The following RALYL variants were observed in gnomAD, a reference collection of about 807,000 sequenced individuals.
The protein encoded by RALYL is RNA-binding Raly-like protein.
In RALYL, 29 loss-of-function variants were observed where a neutral mutation model predicts 35.1. The observed-to-expected ratio is 0.83, with a 90% CI of 0.61 to 1.13. The LOEUF is 1.13. Among genes scored for constraint, RALYL ranks in the 50% most tolerant of loss-of-function variants. The pLI, the probability that RALYL is intolerant of heterozygous loss-of-function variation, is 0.00. For missense variants in RALYL, 359 were observed against 360.4 expected (o/e 1.00, Z 0.03); for synonymous variants, 120 against 127.6 (o/e 0.94, Z 0.40).
chr8:84,684,030 T>TA (rs532170186), intron 2 of RALYL, among the ~76,000 whole-genome samples: 112 of 152,102 alleles, frequency 7.4e-4, no homozygotes, highest in Middle Eastern at 3.4e-3. Flanking sequence ...CAGAGCATGG[T>TA]AAAAAAATGC....
chr8:84,185,025 C>T, intron 1 of RALYL: 1 of 1,613,902 alleles, frequency 6.2e-7, no homozygotes, highest in Non-Finnish European at 8.5e-7. Flanking sequence ...GTAGGTCCTA[C>T]CCAGCCTATT....
At chr8:84,477,965 G>A (rs1318133051) in intron 1 of RALYL, among the ~76,000 whole-genome samples, 1 of 151,976 alleles carries the variant, frequency 6.6e-6, no homozygotes, top group Non-Finnish European at 1.5e-5. Context: ...AATTTTTAAT[G>A]TCCCTAACCA....
intron 2 of RALYL, among the ~76,000 whole-genome samples, chr8:84,597,202 T>C (rs968043422): frequency 6.6e-6 from 1 of 152,120 alleles, no homozygotes; most frequent in Non-Finnish European, 1.5e-5. Flanking sequence ...ATAAGTCCTT[T>C]ATCACCGTGG....
At chr8:84,905,016 G>A (rs1245320481) in intron 8 of RALYL, among the ~76,000 whole-genome samples, 1 of 152,110 alleles carries the variant, frequency 6.6e-6, no homozygotes, top group East Asian at 1.9e-4. Context: ...TGTTGACTAT[G>A]CAATGTTGTA....
intron 5 of RALYL, among the ~76,000 whole-genome samples, chr8:84,856,189 G>T (rs750638849): frequency 6.6e-6 from 1 of 152,190 alleles, no homozygotes; most frequent in Non-Finnish European, 1.5e-5. Flanking sequence ...TTCAGGACTA[G>T]ATGCACATGT....
At chr8:84,284,273 C>T (rs1173387373) in intron 1 of RALYL, among the ~76,000 whole-genome samples, 6 of 151,934 alleles carry the variant, frequency 3.9e-5, no homozygotes, top group African/African-American at 1.5e-4. Context: ...TTCAATTTTC[C>T]ATTATATAGA....
At chr8:84,367,005 C>G (rs1050634720) in intron 1 of RALYL, among the ~76,000 whole-genome samples, 1 of 151,804 alleles carries the variant, frequency 6.6e-6, no homozygotes, top group Admixed American at 6.6e-5. Flanking sequence ...AGAGGACAAA[C>G]TGTACCGTGG....
intron 2 of RALYL, among the ~76,000 whole-genome samples, chr8:84,571,437 A>G (rs1807963484): frequency 6.6e-6 from 1 of 151,580 alleles, no homozygotes; most frequent in Non-Finnish European, 1.5e-5. Flanking sequence ...GATCTTTTGT[A>G]TTTCTGTGAT....
At chr8:84,637,572 A>C (rs1021179792) in intron 2 of RALYL, among the ~76,000 whole-genome samples, 1 of 151,908 alleles carries the variant, frequency 6.6e-6, no homozygotes, top group African/African-American at 2.4e-5. Context: ...TTTACATCTA[A>C]AGTAATCACT....
intron 1 of RALYL, among the ~76,000 whole-genome samples, chr8:84,388,767 G>A (rs1397127042): frequency 6.6e-6 from 1 of 152,034 alleles, no homozygotes; most frequent in East Asian, 1.9e-4. Flanking sequence ...AGTAGGTTGT[G>A]AAGATTTTCT....
intron 2 of RALYL, among the ~76,000 whole-genome samples, chr8:84,754,547 T>C (rs550364402): frequency 6.0e-4 from 92 of 152,330 alleles, no homozygotes; most frequent in Non-Finnish European, 1.0e-3. Context: ...TGACTATCAG[T>C]CTTTCTTTCA....
At chr8:84,654,300 T>TAC (rs1564316596) in intron 2 of RALYL, among the ~76,000 whole-genome samples, 43 of 130,346 alleles carry the variant, frequency 3.3e-4, no homozygotes, top group African/African-American at 8.6e-4. Flanking sequence ...TATATATATA[T>TAC]ATATATATAT....
At chr8:84,859,931 A>G (rs531676925) in intron 5 of RALYL, among the ~76,000 whole-genome samples, 1 of 152,290 alleles carries the variant, frequency 6.6e-6, no homozygotes, top group South Asian at 2.1e-4. Context: ...CACTCACCAT[A>G]GGAATTTATA....
chr8:84,226,918 GTTA>G (rs1824022954), intron 1 of RALYL, among the ~76,000 whole-genome samples: 1 of 152,028 alleles, frequency 6.6e-6, no homozygotes, highest in African/African-American at 2.4e-5. Context: ...CAGCTGATGT[GTTA>G]TTAGTGAATT....
intron 2 of RALYL, among the ~76,000 whole-genome samples, chr8:84,629,194 T>G (rs889665255): frequency 3.3e-5 from 5 of 152,082 alleles, no homozygotes; most frequent in African/African-American, 1.2e-4. Flanking sequence ...GACTATTGAC[T>G]GTCCTGCCTT....
intron 1 of RALYL, among the ~76,000 whole-genome samples, chr8:84,469,656 G>A (rs568516110): frequency 1.4e-4 from 22 of 152,320 alleles, no homozygotes; most frequent in Non-Finnish European, 1.5e-4. Context: ...TTGAGCTGTG[G>A]TGGGCTCCAC....
intron 1 of RALYL, among the ~76,000 whole-genome samples, chr8:84,274,244 A>G (rs1834904937): frequency 6.6e-6 from 1 of 152,198 alleles, no homozygotes; most frequent in Non-Finnish European, 1.5e-5. Flanking sequence ...TTACAAGTCT[A>G]GCAAAATGCC....
chr8:84,799,540 C>A (rs6996709), intron 3 of RALYL, among the ~76,000 whole-genome samples: 117,885 of 152,148 alleles, frequency 0.77, 45,928 homozygotes, highest in East Asian at 0.87. Context: ...TTGGCAACAG[C>A]AACAACAGAA....
chr8:84,783,412 AAC>A (rs1818659317), intron 3 of RALYL, among the ~76,000 whole-genome samples: 1 of 152,198 alleles, frequency 6.6e-6, no homozygotes, highest in Admixed American at 6.5e-5. Context: ...TATGTAGCTA[AAC>A]ACATGCAACC....
Sources: gnomAD v4.1 joint callset for allele counts (sites outside exome capture counted in the v4.1 genomes callset) on GRCh38, gnomAD v4.1.1 for gene constraint, MANE v1.5 for transcripts, NCBI Gene and HGNC (gene_info 2026-07-23, HGNC 2026-07-21) for gene names.